Variants in XRRA1 observed in about 807,000 individuals in gnomAD.
The protein encoded by XRRA1 is X-ray radiation resistance-associated protein 1.
XRRA1 carries 69 observed loss-of-function variants against 80.2 expected under a neutral mutation model. The ratio of observed to expected loss-of-function variants is 0.86; its 90% CI spans 0.71 to 1.05. The LOEUF is 1.05. Ranked by LOEUF, XRRA1 falls within the 50% of genes least tolerant of loss-of-function variation. The pLI, the probability that XRRA1 is intolerant of heterozygous loss-of-function variation, is 0.00. For missense variants in XRRA1, 967 were observed against 976.4 expected (o/e 0.99, Z 0.13); for synonymous variants, 348 against 389.9 (o/e 0.89, Z 1.27).
chr11:74,897,337 A>T (rs187801680), intron 10 of XRRA1, among the ~76,000 whole-genome samples: 1 of 151,994 alleles, frequency 6.6e-6, no homozygotes, highest in Non-Finnish European at 1.5e-5. Flanking sequence ...AAAAAAGAAT[A>T]AAAAAACAGT....
In XRRA1 at chr11:74,877,292, G is replaced by GT. The variant is rs913654264; in HGVS notation, c.1004-14272dup. 6.5e-4 allele frequency among the ~76,000 whole-genome samples: 98 copies of GT among 151,874 alleles called. 1 individual carries two copies. The highest frequency in any genetic ancestry group is 1.7e-3 in the African/African-American group (72 of 41,448). On this transcript the variant is annotated intron_variant, in intron 10 of 18. Coordinates refer to ENST00000684022, the MANE Select transcript of XRRA1 (RefSeq NM_001378157.1). ...AATGGCAAGTCAAGGGGGAATATAT[G>GT]TTTTTTTTCAAAGAAAAATGTTGCT...
intron 6 of XRRA1, among the ~76,000 whole-genome samples, chr11:74,929,840 T>C (rs576166035): frequency 6.6e-6 from 1 of 152,290 alleles, no homozygotes; most frequent in East Asian, 1.9e-4. Flanking sequence ...TCTGAGTCCA[T>C]CTCTCTCACC....
At chr11:74,847,576 G>A (rs189120640) in intron 15 of XRRA1, among the ~76,000 whole-genome samples, 4 of 152,230 alleles carry the variant, frequency 2.6e-5, no homozygotes, top group Admixed American at 1.3e-4. Context: ...GTAAATCTCA[G>A]CTCAGTTGAG....
At chr11:74,858,451 T>C (rs1284190152) in intron 12 of XRRA1, among the ~76,000 whole-genome samples, 3 of 152,168 alleles carry the variant, frequency 2.0e-5, no homozygotes, top group African/African-American at 7.2e-5. Flanking sequence ...AAGAAAACAC[T>C]TGGGGAGTTT....
chr11:74,906,708 TA>T, intron 9 of XRRA1: 2 of 534,108 alleles, frequency 3.7e-6, no homozygotes, highest in South Asian at 5.2e-5. Flanking sequence ...CACAAAGTAG[TA>T]TTCAGTAAAT....
At position 74,843,460 on chromosome 11, in the gene XRRA1, GA is replaced by G; in HGVS notation, c.2150-8del. Reference sequence around the variant, plus strand: ...CACTGGTGCAGGACAGCACCTGCAGGAAAAGAAGCCAGGAGAGGCACCAAGC... The same window carrying G: ...CACTGGTGCAGGACAGCACCTGCAGGAAAGAAGCCAGGAGAGGCACCAAGC... On this transcript the variant is annotated splice_polypyrimidine_tract_variant and splice_region_variant and intron_variant, in intron 18 of 18. Transcript: ENST00000684022. 6.2e-7 allele frequency: 1 copy of G among 1,609,568 alleles called. No individual in the cohort carries two copies. The highest frequency in any genetic ancestry group is 8.5e-7 in the Non-Finnish European group (1 of 1,178,090).
chr11:74,904,048 T>C (rs1266952575), intron 10 of XRRA1, among the ~76,000 whole-genome samples: 20 of 152,170 alleles, frequency 1.3e-4, no homozygotes, highest in Non-Finnish European at 1.5e-5. Context: ...CAGAAGTCTC[T>C]GCTCCTAAGT....
chr11:74,865,206 T>G (rs554581250), intron 10 of XRRA1, among the ~76,000 whole-genome samples: 1 of 135,638 alleles, frequency 7.4e-6, no homozygotes, highest in Non-Finnish European at 1.6e-5. Flanking sequence ...CTCATCTGCA[T>G]AGGGACTTGC....
At chr11:74,901,405 C>G (rs915861601) in intron 10 of XRRA1, among the ~76,000 whole-genome samples, 3 of 152,086 alleles carry the variant, frequency 2.0e-5, no homozygotes, top group Non-Finnish European at 4.4e-5. Context: ...CTACAAAATA[C>G]CAATGACATT....
intron 6 of XRRA1, among the ~76,000 whole-genome samples, chr11:74,928,960 T>G (rs1304769795): frequency 6.6e-6 from 1 of 152,144 alleles, no homozygotes; most frequent in African/African-American, 2.4e-5. Flanking sequence ...CTGCCAATAT[T>G]TGACAGGCAG....
intron 10 of XRRA1, among the ~76,000 whole-genome samples, chr11:74,877,831 A>G (rs1163781476): frequency 6.6e-6 from 1 of 152,046 alleles, no homozygotes; most frequent in Non-Finnish European, 1.5e-5. Flanking sequence ...TATGGTGTTT[A>G]TGTGCCACAT....
chr11:74,931,095 C>G (rs2139431306), intron 5 of XRRA1, among the ~76,000 whole-genome samples: 1 of 151,536 alleles, frequency 6.6e-6, no homozygotes, highest in East Asian at 2.0e-4. Context: ...GCGTGAGCCA[C>G]TGCACCCAGC....
intron 10 of XRRA1, among the ~76,000 whole-genome samples, chr11:74,883,654 C>A (rs904380596): frequency 6.6e-6 from 1 of 152,194 alleles, no homozygotes. Context: ...CACACATGGA[C>A]ATGCCTTTCT....
At chr11:74,863,943 G>A (rs2042845739) in intron 10 of XRRA1, 1 of 152,012 alleles carries the variant, frequency 6.6e-6, no homozygotes, top group Non-Finnish European at 1.5e-5. Context: ...TAGAAAGATG[G>A]GCACGCTGTC....
chr11:74,914,373 G>T (rs1408081299), intron 8 of XRRA1, among the ~76,000 whole-genome samples: 1 of 152,228 alleles, frequency 6.6e-6, no homozygotes, highest in Non-Finnish European at 1.5e-5. Flanking sequence ...AGTTTTGAGT[G>T]AGGTCCAGAG....
chr11:74,874,940 C>T (rs1313291363), intron 10 of XRRA1, among the ~76,000 whole-genome samples: 1 of 152,154 alleles, frequency 6.6e-6, no homozygotes, highest in Non-Finnish European at 1.5e-5. Flanking sequence ...AAAGTGCACC[C>T]CTCTCCCCAG....
intron 10 of XRRA1, among the ~76,000 whole-genome samples, chr11:74,879,538 G>A (rs1020537180): frequency 2.6e-5 from 4 of 151,994 alleles, no homozygotes; most frequent in Non-Finnish European, 4.4e-5. Context: ...TCCCTGTCTT[G>A]TGCCAGTTTT....
At chr11:74,890,939 A>G (rs1183434617) in intron 10 of XRRA1, among the ~76,000 whole-genome samples, 2 of 152,220 alleles carry the variant, frequency 1.3e-5, no homozygotes, top group Non-Finnish European at 2.9e-5. Flanking sequence ...AACGTCCAGG[A>G]CCAGATGGAT....
At chr11:74,905,690 T>C (rs541051636) in intron 10 of XRRA1, among the ~76,000 whole-genome samples, 2 of 152,260 alleles carry the variant, frequency 1.3e-5, no homozygotes, top group African/African-American at 4.8e-5. Flanking sequence ...CCAACTTTTA[T>C]AAACTAGCTT....
Sources: allele counts gnomAD v4.1 joint callset (sites outside exome capture counted in the v4.1 genomes callset), GRCh38; gene constraint gnomAD v4.1.1; transcripts MANE v1.5; gene names NCBI Gene and HGNC (gene_info 2026-07-23, HGNC 2026-07-21).